The following LINGO1 variants were observed in gnomAD, a reference collection of about 807,000 sequenced individuals.
The protein encoded by LINGO1 is leucine-rich repeat and immunoglobulin-like domain-containing nogo receptor-interacting protein 1.
A neutral mutation model predicts 37.3 loss-of-function variants in LINGO1; 11 were observed. The ratio of observed to expected loss-of-function variants is 0.29; its 90% confidence interval spans 0.19 to 0.49. The LOEUF is 0.49. LINGO1 is among the 20% of genes least tolerant of loss of function. The pLI, the probability that LINGO1 is intolerant of heterozygous loss-of-function variation, is 0.99. For missense variants in LINGO1, 585 were observed against 878.2 expected (o/e 0.67, Z 4.22); for synonymous variants, 387 against 403.0 (o/e 0.96, Z 0.48).
At chr15:77,649,789 GC>G (rs1343275175) in intron 3 of LINGO1, among the ~76,000 whole-genome samples, 2 of 152,182 alleles carry the variant, frequency 1.3e-5, no homozygotes, top group African/African-American at 2.4e-5. Context: ...GAGTGCAGCA[GC>G]CCCCAACACT....
chr15:77,764,868 G>T (rs1314201681), intron 1 of LINGO1, among the ~76,000 whole-genome samples: 1 of 152,222 alleles, frequency 6.6e-6, no homozygotes, highest in Non-Finnish European at 1.5e-5. Flanking sequence ...AGCCATGTTT[G>T]TAAGAATGAA....
At chr15:77,686,940 C>T (rs577419603) in intron 2 of LINGO1, among the ~76,000 whole-genome samples, 1 of 152,352 alleles carries the variant, frequency 6.6e-6, no homozygotes, top group Admixed American at 6.5e-5. Context: ...GAAACTAGTG[C>T]AGGGCCTGGC....
chr15:77,789,603 T>A (rs536645963), upstream of LINGO1, among the ~76,000 whole-genome samples: 5 of 152,172 alleles, frequency 3.3e-5, no homozygotes, highest in East Asian at 5.8e-4. Flanking sequence ...TGAGACTCCA[T>A]CTCAAAAAAA....
In LINGO1 at chr15:77,615,909, G is replaced by C; in HGVS notation, c.7-9C>G. On this transcript the variant is annotated splice_polypyrimidine_tract_variant and intron_variant, in intron 1 of 1. Transcript: ENST00000355300. Reference sequence around the variant, plus strand: ...AGCATCCTCTTGCTCACCTGCAGCCGGGAGCAAGCACAGGACAGAGGTGGC... The same window carrying C: ...AGCATCCTCTTGCTCACCTGCAGCCCGGAGCAAGCACAGGACAGAGGTGGC... 3 of 1,461,014 alleles carry C rather than the reference G, an allele frequency of 2.1e-6. No homozygotes were observed. The allele number at this position is 1,461,014 out of a possible 1,614,324, so 90.5% of individuals were successfully genotyped here.
intron 1 of LINGO1, chr15:77,819,286 G>C (rs968808301): frequency 1.2e-4 from 18 of 150,254 alleles, no homozygotes; most frequent in Non-Finnish European, 2.4e-4. Context: ...CGGGCGCGCC[G>C]TCCGCGCGCG....
At chr15:77,624,558 A>C (rs2074033500) in intron 1 of LINGO1, among the ~76,000 whole-genome samples, 1 of 152,218 alleles carries the variant, frequency 6.6e-6, no homozygotes, top group African/African-American at 2.4e-5. Context: ...TATGAATTTT[A>C]ATTGTCAGAG....
intron 1 of LINGO1, among the ~76,000 whole-genome samples, chr15:77,629,307 T>C (rs2074185321): frequency 6.6e-6 from 1 of 152,174 alleles, no homozygotes; most frequent in Non-Finnish European, 1.5e-5. Context: ...CGTTCATTCA[T>C]TCATTCATTC....
chr15:77,718,723 C>T (rs1207094173), intron 2 of LINGO1, among the ~76,000 whole-genome samples: 1 of 150,678 alleles, frequency 6.6e-6, no homozygotes, highest in Admixed American at 6.6e-5. Flanking sequence ...GCCTTGGTCA[C>T]CATCATAACC....
intron 2 of LINGO1, among the ~76,000 whole-genome samples, chr15:77,725,156 GC>G (rs1767666030): frequency 6.6e-6 from 1 of 151,866 alleles, no homozygotes; most frequent in African/African-American, 2.4e-5. Context: ...CTGACTTTCT[GC>G]CCCAGGACCT....
intron 2 of LINGO1, among the ~76,000 whole-genome samples, chr15:77,680,185 C>T (rs1406991741): frequency 6.6e-6 from 1 of 152,246 alleles, no homozygotes; most frequent in Non-Finnish European, 1.5e-5. Context: ...GATGATGGAG[C>T]TCCTGGCAGC....
intron 2 of LINGO1, among the ~76,000 whole-genome samples, chr15:77,714,475 C>A (rs2075959115): frequency 6.6e-6 from 1 of 152,128 alleles, no homozygotes; most frequent in Non-Finnish European, 1.5e-5. Context: ...GGCCCTCTCT[C>A]CCCCTGCCAC....
At chr15:77,770,663 C>T (rs916450601) in intron 1 of LINGO1, among the ~76,000 whole-genome samples, 17 of 151,962 alleles carry the variant, frequency 1.1e-4, no homozygotes, top group Admixed American at 1.1e-3. Flanking sequence ...AGGCCTCACT[C>T]CACGAAGAGG....
chr15:77,644,573 G>T (rs1324184034), intron 3 of LINGO1, among the ~76,000 whole-genome samples: 1 of 152,244 alleles, frequency 6.6e-6, no homozygotes, highest in Non-Finnish European at 1.5e-5. Flanking sequence ...GCAAGACAGA[G>T]CCCAGGATGT....
chr15:77,726,572 T>G (rs1295315973), intron 2 of LINGO1, among the ~76,000 whole-genome samples: 1 of 152,236 alleles, frequency 6.6e-6, no homozygotes, highest in African/African-American at 2.4e-5. Flanking sequence ...ACTCTTACCT[T>G]ACACCATATA....
intron 2 of LINGO1, among the ~76,000 whole-genome samples, chr15:77,682,118 G>A (rs7178761): frequency 0.14 from 21,383 of 152,046 alleles, 1,573 homozygotes; most frequent in Middle Eastern, 0.19. Flanking sequence ...GCTCCTCCTC[G>A]ATGCCATTGG....
At position 77,613,685 on chromosome 15, in the gene LINGO1, TTTA is replaced by T; in HGVS notation, c.*356_*358del. 4.0e-6 allele frequency: 1 copy of T among 250,992 alleles called. No individual in the cohort carries two copies. The highest frequency in any genetic ancestry group is 4.8e-5 in the Admixed American group (1 of 20,640). 15.5% of individuals were successfully genotyped at this position (250,992 alleles called of 1,614,324 possible). ...CTATAGGAAATAGTTTTTTTCTCTT[TTTA>T]TTATTTCAAGTTTTCATAAAAATCC... On this transcript the variant is annotated 3_prime_UTR_variant, in exon 2 of 2. Transcript: ENST00000355300.
chr15:77,719,534 A>G (rs1004821218), intron 2 of LINGO1, among the ~76,000 whole-genome samples: 3 of 149,548 alleles, frequency 2.0e-5, no homozygotes, highest in African/African-American at 7.3e-5. Context: ...GGGGGCAGCC[A>G]CCACGCAGCA....
Position 77,692,669 on chromosome 15 carries a change from C to T in LINGO1, c.-280-1768G>A, listed in dbSNP as rs562917407. Among the ~76,000 whole-genome samples, 755 of 152,304 alleles carry T rather than the reference C, an allele frequency of 5.0e-3. 5 individuals carry two copies. Among genetic ancestry groups the T allele is most frequent in the African/African-American group, 0.017 (725 of 41,540 alleles). On this transcript the variant is annotated intron_variant, in intron 1 of 3. Coordinates refer to the LINGO1 transcript ENST00000559893. ...GCCAATTTCCCGACCTGGGACCACT[C>T]CCTCCTGCCTGGGTGAGATCCTCAC... is the stretch of plus-strand genomic sequence containing the variant.
chr15:77,718,090 T>C (rs900009373), intron 2 of LINGO1, among the ~76,000 whole-genome samples: 1 of 150,770 alleles, frequency 6.6e-6, no homozygotes, highest in African/African-American at 2.4e-5. Flanking sequence ...CCATCCCCCA[T>C]GGGAGCAGGG....
Sources: allele counts gnomAD v4.1 joint callset (sites outside exome capture counted in the v4.1 genomes callset), GRCh38; gene constraint gnomAD v4.1.1; transcripts MANE v1.5; gene names NCBI Gene and HGNC (gene_info 2026-07-23, HGNC 2026-07-21).